The following MYO3B variants were observed in gnomAD, a reference collection of about 807,000 sequenced individuals.
MYO3B encodes myosin IIIB, also known as myosin-IIIb.
In MYO3B, 156 loss-of-function variants were observed where a neutral mutation model predicts 174.6. The ratio of observed to expected loss-of-function variants is 0.89; its 90% CI spans 0.78 to 1.02. The LOEUF (loss-of-function observed/expected upper bound fraction) is 1.02, where lower values mean the gene tolerates loss of function less well. Ranked by LOEUF, MYO3B falls within the 50% of genes least tolerant of loss-of-function variation. MYO3B has a pLI of 0.00. For missense variants in MYO3B, 1,632 were observed against 1,639.4 expected (o/e 1.00, Z 0.08); for synonymous variants, 563 against 569.1 (o/e 0.99, Z 0.15).
intron 18 of MYO3B, among the ~76,000 whole-genome samples, chr2:170,402,088 G>C (rs1294214308): frequency 6.6e-6 from 1 of 152,228 alleles, no homozygotes; most frequent in East Asian, 1.9e-4. Context: ...AGTCTTGGCT[G>C]GGAGCTGGAC....
intron 7 of MYO3B, among the ~76,000 whole-genome samples, chr2:170,283,414 T>C (rs2093529067): frequency 6.6e-6 from 1 of 152,230 alleles, no homozygotes; most frequent in Non-Finnish European, 1.5e-5. Context: ...TTATATGTTC[T>C]ATTTAAAGTG....
chr2:170,604,361 TGGAGCAAG>T (rs1258277871), intron 32 of MYO3B, among the ~76,000 whole-genome samples: 16 of 152,234 alleles, frequency 1.1e-4, no homozygotes, highest in Admixed American at 1.0e-3. Context: ...CAGTTTCCTC[TGGAGCAAG>T]GGCTAGGGTT....
rs1401881069 is a variant in MYO3B, at chr2:170,584,065, A to G, written c.3733+40077A>G. The stretch of plus-strand genomic sequence containing the variant: ...TTACACAATGCCAAACTAGTGGATC[A>G]AAACAAAAATATAGTGACACCCAGA... On this transcript the variant is annotated intron_variant, in intron 32 of 34. Transcript: ENST00000408978. 2.0e-5 allele frequency among the ~76,000 whole-genome samples: 3 copies of G among 152,240 alleles called. No individual in the cohort carries two copies. The East Asian group carries it at 5.8e-4, about 29-fold the overall frequency.
chr2:170,331,710 G>T (rs934386673), intron 7 of MYO3B, among the ~76,000 whole-genome samples: 2 of 152,184 alleles, frequency 1.3e-5, no homozygotes, highest in African/African-American at 4.8e-5. Flanking sequence ...GGGTCATTCA[G>T]GTTATTAGCA....
intron 7 of MYO3B, among the ~76,000 whole-genome samples, chr2:170,294,066 A>G (rs2093613317): frequency 6.6e-6 from 1 of 152,028 alleles, no homozygotes; most frequent in African/African-American, 2.4e-5. Flanking sequence ...TTGTAGCTTC[A>G]TTCAATAGGA....
intron 5 of MYO3B, 117 bp from the exon 6 acceptor site, chr2:170,217,202 A>G (rs1021615271): frequency 3.7e-6 from 3 of 817,458 alleles, no homozygotes; most frequent in Non-Finnish European, 6.4e-6. Flanking sequence ...TGTGACAGAG[A>G]CCATATGGCC....
intron 7 of MYO3B, among the ~76,000 whole-genome samples, chr2:170,269,344 CA>C (rs1474820865): frequency 6.6e-6 from 1 of 152,144 alleles, no homozygotes; most frequent in East Asian, 1.9e-4. Flanking sequence ...TTTGACTATA[CA>C]ATATGTGGTT....
intron 30 of MYO3B, among the ~76,000 whole-genome samples, chr2:170,528,951 T>A (rs1028333927): frequency 2.0e-5 from 3 of 152,230 alleles, no homozygotes; most frequent in Non-Finnish European, 2.9e-5. Context: ...TCACGTGCTC[T>A]CTGGAAAACT....
At chr2:170,434,805 C>T (rs2094739353) in intron 22 of MYO3B, among the ~76,000 whole-genome samples, 1 of 152,202 alleles carries the variant, frequency 6.6e-6, no homozygotes, top group African/African-American at 2.4e-5. Flanking sequence ...GGACCACAGG[C>T]GTGGCACCAC....
chr2:170,530,296 T>C lies in MYO3B; in HGVS notation c.3575+10756T>C, dbSNP rs78075654. Among the ~76,000 whole-genome samples, 25 of 152,304 alleles carry C rather than the reference T, an allele frequency of 1.6e-4. No individual in the cohort carries two copies. In the East Asian group the frequency reaches 4.8e-3, roughly 29 times the overall value. On this transcript the variant is annotated intron_variant, in intron 30 of 34. Coordinates refer to ENST00000408978, the MANE Select transcript of MYO3B (RefSeq NM_138995.5). ...TAAACAGTCCCTGATACCAAAATTC[T>C]AATGGCCTAAGATCAACACAGTCTG...
chr2:170,594,935 T>C (rs566346903), intron 32 of MYO3B, among the ~76,000 whole-genome samples: 69 of 151,902 alleles, frequency 4.5e-4, no homozygotes, highest in Middle Eastern at 3.4e-3. Flanking sequence ...TAAATCCTCA[T>C]TGGCTGCTCT....
intron 7 of MYO3B, among the ~76,000 whole-genome samples, chr2:170,240,775 G>A (rs1250469330): frequency 6.6e-6 from 1 of 152,096 alleles, no homozygotes; most frequent in East Asian, 1.9e-4. Context: ...GCCAAGAAAC[G>A]GAAGAACAGA....
chr2:170,501,113 GGT>G (rs1687243553), intron 27 of MYO3B, among the ~76,000 whole-genome samples: 1 of 151,914 alleles, frequency 6.6e-6, no homozygotes, highest in African/African-American at 2.4e-5. Context: ...GCTCCTCGTG[GGT>G]GGCTTAATGC....
intron 32 of MYO3B, among the ~76,000 whole-genome samples, chr2:170,557,884 TGA>T (rs1323451454): frequency 3.9e-5 from 6 of 152,234 alleles, no homozygotes; most frequent in Admixed American, 1.3e-4. Context: ...AGCTCACATG[TGA>T]GAGATACAAG....
rs199721173 is a variant in MYO3B at position 170,343,746 on chromosome 2, C to T, written c.815+8296C>T. On this transcript the variant is annotated intron_variant, in intron 8 of 34. Transcript: ENST00000408978. ...AAATATATATTGGAGAGATTAAGAG[C>T]GTAGGGTCTAAAGTCAAATTGTATT... 7.9e-5 allele frequency: 12 copies of T among 152,306 alleles called. No homozygotes were observed. The East Asian group carries it at 1.2e-3, about 15-fold the overall frequency. The allele number at this position is 152,306 out of a possible 1,614,324, so 9.4% of individuals were successfully genotyped here. A position where few individuals can be genotyped will look rare whatever the true frequency, so the allele number is the denominator to read the frequency against.
At chr2:170,242,908 A>G (rs969890696) in intron 7 of MYO3B, among the ~76,000 whole-genome samples, 3 of 152,174 alleles carry the variant, frequency 2.0e-5, no homozygotes, top group Non-Finnish European at 4.4e-5. Context: ...AGAAAAAACT[A>G]AGGAATAAAG....
At chr2:170,500,676 C>T (rs1377752382) in intron 27 of MYO3B, among the ~76,000 whole-genome samples, 1 of 152,100 alleles carries the variant, frequency 6.6e-6, no homozygotes, top group Non-Finnish European at 1.5e-5. Context: ...TATAAATGGA[C>T]CAGTGATGTA....
chr2:170,534,751 G>T lies in MYO3B; in HGVS notation c.3576-8155G>T, dbSNP rs7585323. On this transcript the variant is annotated intron_variant, in intron 30 of 34. Coordinates refer to ENST00000408978, the MANE Select transcript of MYO3B (RefSeq NM_138995.5). ...CACCCACACCCAGCCTCAGTGTCCT[G>T]TATTTTATCTAACAACTCTAGTTCA... is the stretch of plus-strand genomic sequence containing the variant. 2.0e-3 allele frequency among the ~76,000 whole-genome samples: 298 copies of T among 152,212 alleles called. 1 individual carries two copies. The highest frequency in any genetic ancestry group is 6.8e-3 in the African/African-American group (281 of 41,532).
At chr2:170,193,508 T>C (rs566487926) in intron 1 of MYO3B, among the ~76,000 whole-genome samples, 1 of 152,270 alleles carries the variant, frequency 6.6e-6, no homozygotes, top group South Asian at 2.1e-4. Context: ...TTAAAGAATC[T>C]TAATTGATAC....
Sources: gnomAD v4.1 joint callset for allele counts (sites outside exome capture counted in the v4.1 genomes callset) on GRCh38, gnomAD v4.1.1 for gene constraint, MANE v1.5 for transcripts, NCBI Gene and HGNC (gene_info 2026-07-23, HGNC 2026-07-21) for gene names.